The following SLBP variants were observed in gnomAD, a reference collection of about 807,000 sequenced individuals.
The protein encoded by SLBP is stem-loop histone mRNA binding protein, also known as histone RNA hairpin-binding protein.
SLBP carries 29 observed loss-of-function variants against 39.2 expected under a neutral mutation model. That is an observed-to-expected ratio of 0.74 (90% CI 0.55 to 1.01). The LOEUF (loss-of-function observed/expected upper bound fraction) is 1.01. Among genes scored for constraint, SLBP ranks in the 50% least tolerant of loss-of-function variants. The pLI is 0.00. For missense variants in SLBP, 390 were observed against 350.2 expected (o/e 1.11, Z -0.91); for synonymous variants, 129 against 118.7 (o/e 1.09, Z -0.57).
At position 1,699,708 on chromosome 4, in the gene SLBP, A is replaced by G. The variant is rs764990233; in HGVS notation, c.342-7T>C. On this transcript the variant is annotated splice_polypyrimidine_tract_variant and splice_region_variant and intron_variant, in intron 4 of 7. Coordinates refer to ENST00000489418, the MANE Select transcript of SLBP (RefSeq NM_006527.4). Reference sequence around the variant, plus strand: ...AGACTCCTTTGAATCAGAACTGAAAAAACAACAGATTAACAGAATAAGCCC... The same window carrying G: ...AGACTCCTTTGAATCAGAACTGAAAGAACAACAGATTAACAGAATAAGCCC... 6.2e-7 allele frequency: 1 copy of G among 1,613,316 alleles called. No homozygotes were observed. Among genetic ancestry groups the G allele is most frequent in the Non-Finnish European group, 8.5e-7 (1 of 1,179,558 alleles).
intron 2 of SLBP, among the ~76,000 whole-genome samples, chr4:1,703,977 G>A (rs1716426735): frequency 6.6e-6 from 1 of 152,080 alleles, no homozygotes. Context: ...AGTTTAGCAG[G>A]ACAAAAGCAA....
chr4:1,712,018 C>G, intron 1 of SLBP, 28 bp from the exon 2 acceptor site: 10 of 1,272,086 alleles, frequency 7.9e-6, no homozygotes, highest in Middle Eastern at 3.0e-4. Context: ...GTCGGCTGGG[C>G]ACGGGAGGTT....
chr4:1,701,149 T>TTTC (rs1003981227), intron 3 of SLBP, among the ~76,000 whole-genome samples: 4 of 146,762 alleles, frequency 2.7e-5, no homozygotes, highest in African/African-American at 7.5e-5. Context: ...TTTTTTTCTT[T>TTTC]TTTTTTTTTT....
At chr4:1,693,803 A>G (rs1716006776) in intron 7 of SLBP, 90 bp from the exon 8 acceptor site, 1 of 761,208 alleles carries the variant, frequency 1.3e-6, no homozygotes, top group Non-Finnish European at 2.4e-6. Flanking sequence ...GTGGTAAATC[A>G]TGTGATGTAA....
At chr4:1,707,539 C>T (rs915931753) in intron 2 of SLBP, among the ~76,000 whole-genome samples, 2 of 151,978 alleles carry the variant, frequency 1.3e-5, no homozygotes, top group African/African-American at 4.8e-5. Context: ...AAGCTTAAGG[C>T]TTCGAGCCCC....
intron 6 of SLBP, among the ~76,000 whole-genome samples, chr4:1,695,065 C>A (rs1716057462): frequency 6.6e-6 from 1 of 152,180 alleles, no homozygotes; most frequent in Admixed American, 6.5e-5. Flanking sequence ...AAAAGATCTG[C>A]TGGGCTCACC....
At chr4:1,694,167 C>G (rs1179564359) in intron 7 of SLBP, among the ~76,000 whole-genome samples, 3 of 152,210 alleles carry the variant, frequency 2.0e-5, no homozygotes, top group Non-Finnish European at 4.4e-5. Context: ...ATTGCCACCT[C>G]TGCCTCCCGG....
At chr4:1,709,579 CT>C (rs1480785835) in intron 2 of SLBP, among the ~76,000 whole-genome samples, 1 of 152,038 alleles carries the variant, frequency 6.6e-6, no homozygotes, top group Non-Finnish European at 1.5e-5. Context: ...TGACGCCTGC[CT>C]CCCTTTCACT....
intron 6 of SLBP, among the ~76,000 whole-genome samples, chr4:1,695,367 G>T (rs1716068166): frequency 6.6e-6 from 1 of 152,226 alleles, no homozygotes; most frequent in South Asian, 2.1e-4. Context: ...GAGAGGCTCA[G>T]GACCAGAGGG....
chr4:1,711,051 TAA>T (rs34503092), intron 2 of SLBP, among the ~76,000 whole-genome samples: 45,325 of 121,156 alleles, frequency 0.37, 8,704 homozygotes, highest in East Asian at 0.66. Context: ...ACCCTGTCTT[TAA>T]AAAAAAAAAA....
chr4:1,693,051 C>A lies in SLBP; in HGVS notation c.*546G>T. On this transcript the variant is annotated 3_prime_UTR_variant, in exon 8 of 8. Coordinates refer to ENST00000489418, the MANE Select transcript of SLBP (RefSeq NM_006527.4). ...CTATTTACAAGTACCAAATTAAGACCATATAACTTACATAAAACTCATTAG... is the reference window on the plus strand; with the variant it reads ...CTATTTACAAGTACCAAATTAAGACAATATAACTTACATAAAACTCATTAG... 6.5e-6 allele frequency: 1 copy of A among 154,540 alleles called. No homozygotes were observed. The highest frequency in any genetic ancestry group is 6.4e-5 in the Admixed American group (1 of 15,714). 9.6% of individuals were successfully genotyped at this position (154,540 alleles called of 1,614,324 possible).
At chr4:1,695,357 G>A (rs1044114807) in intron 6 of SLBP, among the ~76,000 whole-genome samples, 2 of 152,196 alleles carry the variant, frequency 1.3e-5, no homozygotes, top group African/African-American at 2.4e-5. Context: ...CTGAGGAAGC[G>A]AGAGGCTCAG....
At chr4:1,698,245 T>G (rs1716193047) in intron 5 of SLBP, among the ~76,000 whole-genome samples, 1 of 151,310 alleles carries the variant, frequency 6.6e-6, no homozygotes, top group East Asian at 2.0e-4. Flanking sequence ...CTGTGGAGGC[T>G]GAGGCAGGAG....
chr4:1,700,094 GT>G, intron 3 of SLBP, 24 bp from the exon 4 acceptor site: 1 of 1,534,510 alleles, frequency 6.5e-7, no homozygotes, highest in Non-Finnish European at 9.0e-7. Context: ...AAATATTGCT[GT>G]TTTTAAAAAA....
chr4:1,696,118 G>C, intron 6 of SLBP, 84 bp downstream of exon 6: 1 of 1,237,240 alleles, frequency 8.1e-7, no homozygotes, highest in Non-Finnish European at 1.1e-6. Flanking sequence ...CTTGGCACCA[G>C]ACCTCCTGTC....
chr4:1,701,153 T>TTC (rs1281038222), intron 3 of SLBP, among the ~76,000 whole-genome samples: 5 of 148,420 alleles, frequency 3.4e-5, no homozygotes, highest in East Asian at 2.0e-4. Flanking sequence ...TTTCTTTTTT[T>TTC]TTTTTTTTTT....
At chr4:1,697,935 G>A (rs948297516) in intron 5 of SLBP, among the ~76,000 whole-genome samples, 1 of 152,016 alleles carries the variant, frequency 6.6e-6, no homozygotes, top group Non-Finnish European at 1.5e-5. Flanking sequence ...AGACCAGCCT[G>A]GGCGACATAG....
At chr4:1,709,228 T>C (rs888623747) in intron 2 of SLBP, among the ~76,000 whole-genome samples, 1 of 152,062 alleles carries the variant, frequency 6.6e-6, no homozygotes, top group Non-Finnish European at 1.5e-5. Context: ...CATGCCCGAC[T>C]AATTTTGTAT....
At chr4:1,706,962 G>A (rs900290221) in intron 2 of SLBP, among the ~76,000 whole-genome samples, 3 of 151,010 alleles carry the variant, frequency 2.0e-5, no homozygotes, top group Middle Eastern at 3.4e-3. Flanking sequence ...GCTCACGCCT[G>A]TAATCCCAGC....
Sources: allele counts gnomAD v4.1 joint callset (sites outside exome capture counted in the v4.1 genomes callset), GRCh38; gene constraint gnomAD v4.1.1; transcripts MANE v1.5; gene names NCBI Gene and HGNC (gene_info 2026-07-23, HGNC 2026-07-21).